Variants in SCAMP5 observed in about 807,000 individuals in gnomAD.
The protein encoded by SCAMP5 is secretory carrier-associated membrane protein 5.
A neutral mutation model predicts 28.3 loss-of-function variants in SCAMP5; 7 were observed. That is an observed-to-expected ratio of 0.25 (90% CI 0.14 to 0.46). The LOEUF is 0.46. Ranked by LOEUF, SCAMP5 falls within the 20% of genes least tolerant of loss-of-function variation. SCAMP5 has a pLI of 0.99. For synonymous variants in SCAMP5, 117 were observed against 116.4 expected (o/e 1.00, Z -0.03); for missense variants, 192 against 312.5 (o/e 0.61, Z 2.91).
chr15:75,008,886 G>T (rs1235970392), intron 1 of SCAMP5, among the ~76,000 whole-genome samples: 3 of 152,144 alleles, frequency 2.0e-5, no homozygotes, highest in Non-Finnish European at 4.4e-5. Flanking sequence ...TAAGCATTTT[G>T]CTAATGCAAA....
intron 1 of SCAMP5, chr15:75,007,703 C>G (rs2065773634): frequency 6.6e-6 from 1 of 152,344 alleles, no homozygotes; most frequent in Non-Finnish European, 1.5e-5. Context: ...GTAGCTGGAA[C>G]TACAGGCACA....
At chr15:75,008,860 C>A (rs2065785627) in intron 1 of SCAMP5, among the ~76,000 whole-genome samples, 1 of 152,126 alleles carries the variant, frequency 6.6e-6, no homozygotes, top group African/African-American at 2.4e-5. Context: ...TTCAAATAGT[C>A]ACATTTAGGT....
At chr15:74,999,090 A>G (rs1239535783) in intron 1 of SCAMP5, among the ~76,000 whole-genome samples, 1 of 152,142 alleles carries the variant, frequency 6.6e-6, no homozygotes, top group East Asian at 1.9e-4. Flanking sequence ...TTCAGTCACC[A>G]TTTTAACCAA....
intron 1 of SCAMP5, among the ~76,000 whole-genome samples, chr15:75,002,308 C>T (rs143497399): frequency 1.1e-4 from 17 of 151,906 alleles, no homozygotes; most frequent in Non-Finnish European, 1.8e-4. Flanking sequence ...TCCCTCTTCA[C>T]GGGCTTTGTC....
intron 4 of SCAMP5, among the ~76,000 whole-genome samples, chr15:75,017,491 G>C (rs1420068239): frequency 2.6e-5 from 4 of 152,090 alleles, no homozygotes; most frequent in African/African-American, 9.7e-5. Context: ...TTCTATCTCT[G>C]AGCCTATGAG....
At position 75,004,151 on chromosome 15, in the gene SCAMP5, G is replaced by A. The variant is rs146116893; in HGVS notation, c.-48-7641G>A. On this transcript the variant is annotated intron_variant, in intron 1 of 6. Transcript: ENST00000425597. The stretch of plus-strand genomic sequence containing the variant: ...ACTCCCGACCTCAGGTGATCCGCCC[G>A]CCTCGGTCTCCCAAAGTGCTGGTAT... Among the ~76,000 whole-genome samples, 410 of 152,018 alleles carry A rather than the reference G, an allele frequency of 2.7e-3. 1 individual carries two copies. In the Middle Eastern group the frequency reaches 0.037, roughly 14 times the overall value.
intron 1 of SCAMP5, among the ~76,000 whole-genome samples, chr15:75,001,343 A>G (rs2065706387): frequency 6.6e-6 from 1 of 150,810 alleles, no homozygotes; most frequent in Non-Finnish European, 1.5e-5. Context: ...AAGACAGACC[A>G]GGGAGGTGTT....
chr15:75,013,133 C>A, intron 3 of SCAMP5: 1 of 254,898 alleles, frequency 3.9e-6, no homozygotes, highest in Non-Finnish European at 7.5e-6. Context: ...TTCCCTTCCA[C>A]TGGAGTAACT....
intron 4 of SCAMP5, 105 bp downstream of exon 4, chr15:75,016,854 CA>C (rs1341396573): frequency 4.7e-6 from 5 of 1,063,214 alleles, no homozygotes; most frequent in Admixed American, 2.6e-5. Flanking sequence ...TACCCTCCCC[CA>C]AACTCACTTT....
At position 75,012,672 on chromosome 15, in the gene SCAMP5, C is replaced by A; in HGVS notation, c.8-5C>A. 6.2e-7 allele frequency: 1 copy of A among 1,613,938 alleles called. No homozygotes were observed. ...GTGATGTTGTGCAATGTGTCTCATC[C>A]ACAGAGAAAGTGAACAACTTCCCAC... is the stretch of plus-strand genomic sequence containing the variant. On this transcript the variant is annotated splice_polypyrimidine_tract_variant and splice_region_variant and intron_variant, in intron 2 of 6. Coordinates refer to ENST00000425597, the MANE Select transcript of SCAMP5 (RefSeq NM_138967.4).
chr15:75,017,991 C>G lies in SCAMP5; in HGVS notation c.395+20C>G. The G allele has an allele frequency of 6.5e-7, 1 of 1,527,414 alleles. No individual in the cohort carries two copies. Among genetic ancestry groups the G allele is most frequent in the South Asian group, 1.1e-5 (1 of 89,302 alleles). 94.6% of individuals were successfully genotyped at this position (1,527,414 alleles called of 1,614,324 possible). A position where few individuals can be genotyped will look rare whatever the true frequency, so the allele number is the denominator to read the frequency against. On this transcript the variant is annotated intron_variant, in intron 5 of 6. Coordinates refer to ENST00000425597, the MANE Select transcript of SCAMP5 (RefSeq NM_138967.4). Reference sequence around the variant, plus strand: ...CGTCTGGTAAGAGGCAGGGGTGTGGCCTGGGGCTGGCAGGGGTGGCGTTGT... The same window carrying G: ...CGTCTGGTAAGAGGCAGGGGTGTGGGCTGGGGCTGGCAGGGGTGGCGTTGT...
At chr15:75,011,871 G>A (rs1172895635) in intron 2 of SCAMP5, 25 bp downstream of exon 2, 2 of 1,607,852 alleles carry the variant, frequency 1.2e-6, no homozygotes, top group Admixed American at 1.7e-5. Context: ...AGGCTGTGTG[G>A]GTAGGACATG....
intron 1 of SCAMP5, among the ~76,000 whole-genome samples, chr15:75,001,000 C>T (rs1478730980): frequency 6.6e-6 from 1 of 152,048 alleles, no homozygotes; most frequent in Non-Finnish European, 1.5e-5. Context: ...GTGGCTCACG[C>T]CTGTAATCCC....
chr15:75,000,073 A>G lies in SCAMP5; in HGVS notation c.-49+4400A>G, dbSNP rs150861584. On this transcript the variant is annotated intron_variant, in intron 1 of 6. Coordinates refer to ENST00000425597, the MANE Select transcript of SCAMP5 (RefSeq NM_138967.4). ...CCAACAAAATCCACCAAACCTAAAG[A>G]TCAGACTGTTAAAGGGGTGGCATCT... Among the ~76,000 whole-genome samples, 99 of 152,318 alleles carry G rather than the reference A, an allele frequency of 6.5e-4. 1 individual carries two copies. The highest frequency in any genetic ancestry group is 2.2e-3 in the African/African-American group (93 of 41,566).
At chr15:75,011,937 T>A in intron 2 of SCAMP5, 91 bp downstream of exon 2, 3 of 1,074,788 alleles carry the variant, frequency 2.8e-6, no homozygotes, top group Middle Eastern at 2.0e-4. Context: ...CCCCTAGTCT[T>A]TGGAGGCCAG....
At chr15:75,012,597 A>C in intron 2 of SCAMP5, 80 bp from the exon 3 acceptor site, 1 of 1,561,052 alleles carries the variant, frequency 6.4e-7, no homozygotes, top group Non-Finnish European at 8.8e-7. Flanking sequence ...ATGGGGCAGC[A>C]CAGCCAGGGG....
At chr15:75,012,998 C>T in intron 3 of SCAMP5, 193 bp downstream of exon 3, 1 of 594,548 alleles carries the variant, frequency 1.7e-6, no homozygotes. Context: ...CCGACTGGGC[C>T]TCAGTTTCCC....
intron 4 of SCAMP5, 120 bp downstream of exon 4, chr15:75,016,869 T>C: frequency 2.1e-6 from 2 of 944,968 alleles, no homozygotes; most frequent in South Asian, 1.8e-5. Context: ...TCACTTTCCC[T>C]TGCTCACCTT....
At chr15:75,015,984 A>G (rs930733602) in intron 3 of SCAMP5, among the ~76,000 whole-genome samples, 2 of 152,072 alleles carry the variant, frequency 1.3e-5, no homozygotes, top group Admixed American at 6.6e-5. Context: ...CCAGCCGCCA[A>G]TGCCTGCCCC....
Sources: allele counts gnomAD v4.1 joint callset (sites outside exome capture counted in the v4.1 genomes callset), GRCh38; gene constraint gnomAD v4.1.1; transcripts MANE v1.5; gene names NCBI Gene and HGNC (gene_info 2026-07-23, HGNC 2026-07-21).